EPHA10: variants seen among roughly 807,000 people sequenced by gnomAD.
EPHA10 encodes the protein ephrin type-A receptor 10.
In EPHA10, 120 loss-of-function variants were observed where a neutral mutation model predicts 109.7. That is an observed-to-expected ratio of 1.09 (90% CI 0.94 to 1.27). The LOEUF (loss-of-function observed/expected upper bound fraction) is 1.27, where lower values mean the gene tolerates loss of function less well. Among genes scored for constraint, EPHA10 ranks in the 50% most tolerant of loss-of-function variants. The probability of loss-of-function intolerance (pLI) is 0.00; values close to 1 mark genes in which losing one functional copy is unlikely to be tolerated. For synonymous variants in EPHA10, 640 were observed against 618.9 expected (o/e 1.03, Z -0.51); for missense variants, 1,396 against 1,411.1 (o/e 0.99, Z 0.17).
chr1:37,724,538 C>T (rs991707622), intron 8 of EPHA10, among the ~76,000 whole-genome samples: 5 of 150,956 alleles, frequency 3.3e-5, no homozygotes, highest in Admixed American at 3.3e-4. Flanking sequence ...ACAAAAGAAT[C>T]GCCAGAGGAA....
At chr1:37,741,034 G>A (rs543448887) in intron 5 of EPHA10, among the ~76,000 whole-genome samples, 1 of 152,296 alleles carries the variant, frequency 6.6e-6, no homozygotes, top group East Asian at 1.9e-4. Context: ...GAAGCCCAGG[G>A]AAGAGAACAT....
chr1:37,728,728 G>A (rs531355916), intron 7 of EPHA10, among the ~76,000 whole-genome samples: 1 of 152,184 alleles, frequency 6.6e-6, no homozygotes, highest in Non-Finnish European at 1.5e-5. Flanking sequence ...ATGTCACAGA[G>A]CAAGTGAGGA....
rs531551885 is a variant in EPHA10, at chr1:37,741,226, C to T, written c.1358-5836G>A. ...TATGAGGGACTGAGCGAGTGCTCAG[C>T]ACCAGCATTCCAGCAAGAGGAGCTG... is the stretch of plus-strand genomic sequence containing the variant. On this transcript the variant is annotated intron_variant, in intron 5 of 16. Coordinates refer to ENST00000373048, the MANE Select transcript of EPHA10 (RefSeq NM_001099439.2). Among the ~76,000 whole-genome samples, 4 of 152,348 alleles carry T rather than the reference C, an allele frequency of 2.6e-5. No homozygotes were observed. The East Asian group carries it at 7.7e-4, about 29-fold the overall frequency.
At chr1:37,753,901 T>C (rs1213818580) in intron 4 of EPHA10, among the ~76,000 whole-genome samples, 3 of 151,942 alleles carry the variant, frequency 2.0e-5, no homozygotes, top group African/African-American at 7.3e-5. Flanking sequence ...AGCCCCCCTT[T>C]CGGCTGGAGG....
At chr1:37,738,685 T>C (rs1569704992) in intron 5 of EPHA10, among the ~76,000 whole-genome samples, 1 of 152,168 alleles carries the variant, frequency 6.6e-6, no homozygotes, top group East Asian at 1.9e-4. Flanking sequence ...AATCAGGTCT[T>C]GAAGAGATAC....
At chr1:37,735,220 G>C in intron 6 of EPHA10, 37 bp downstream of exon 6, 1 of 1,557,852 alleles carries the variant, frequency 6.4e-7, no homozygotes, top group Admixed American at 1.9e-5. Context: ...GGACAGGTGC[G>C]GGGCAGGCTC....
At chr1:37,748,158 A>G (rs1646267261) in intron 5 of EPHA10, among the ~76,000 whole-genome samples, 1 of 152,182 alleles carries the variant, frequency 6.6e-6, no homozygotes, top group African/African-American at 2.4e-5. Flanking sequence ...CAGGAGTTCA[A>G]GACCAGCCTG....
In EPHA10 at chr1:37,752,896, G is replaced by T. The variant is rs1646350415; in HGVS notation, c.1337C>A (p.Thr446Asn). 7.7e-7 allele frequency: 1 copy of T among 1,304,202 alleles called. No homozygotes were observed. Among genetic ancestry groups the T allele is most frequent in the Non-Finnish European group, 9.7e-7 (1 of 1,030,002 alleles). The allele number at this position is 1,304,202 out of a possible 1,614,324, so 80.8% of individuals were successfully genotyped here. The stretch of plus-strand genomic sequence containing the variant: ...CTTACCCCCGGGCCCGGTGGAGACG[G>T]TGACCTGCGCGTAGGTGGTTCCCGC... Reference protein sequence around the residue: ...AAAGTTYAQVTVSTGPGAPWE... With the variant: ...AAAGTTYAQVNVSTGPGAPWE... The change falls in exon 5 of 17, where the codon ACC becomes AAC. Residue 446 changes from threonine (T) to asparagine (N), a missense_variant. By Grantham distance (65) the Thr-to-Asn change is moderately conservative. Transcript: ENST00000373048.
At position 37,716,896 on chromosome 1, in the gene EPHA10, C is replaced by G; in HGVS notation, c.*1476G>C. 1 of 232,992 alleles carries G rather than the reference C, an allele frequency of 4.3e-6. No individual in the cohort carries two copies. The highest frequency in any genetic ancestry group is 2.2e-5 in the African/African-American group (1 of 45,418). 14.4% of individuals were successfully genotyped at this position (232,992 alleles called of 1,614,324 possible). ...ACTGACCCAGAGGGCTCCTGGGGGGCCCTGGGCACTGTGGATGGTGCCCTG... is the reference window on the plus strand; with the variant it reads ...ACTGACCCAGAGGGCTCCTGGGGGGGCCTGGGCACTGTGGATGGTGCCCTG... On this transcript the variant is annotated 3_prime_UTR_variant, in exon 17 of 17. Transcript: ENST00000373048.
chr1:37,750,316 GA>G (rs530484546), intron 5 of EPHA10, among the ~76,000 whole-genome samples: 1 of 151,940 alleles, frequency 6.6e-6, no homozygotes, highest in Admixed American at 6.6e-5. Flanking sequence ...AAGAAAGATG[GA>G]AAAAAAGAAT....
intron 3 of EPHA10, chr1:37,761,182 G>A: frequency 1.4e-6 from 2 of 1,444,458 alleles, no homozygotes; most frequent in Non-Finnish European, 1.8e-6. Flanking sequence ...GATCCCTAAT[G>A]CCTCCTTAGC....
Position 37,753,065 on chromosome 1 carries a change from C to T in EPHA10, c.1168G>A (p.Glu390Lys). Residue 390 changes from glutamate to lysine, a missense_variant, in exon 5 of 17, where the codon GAG becomes AAG. Glu to Lys is a moderately conservative substitution (Grantham distance 56). Coordinates refer to ENST00000373048, the MANE Select transcript of EPHA10 (RefSeq NM_001099439.2). ...AAGGCCACGCGCGGCCCGCACGGCT[C>T]GCAGGCGCCCGCCGGGCCCTCGCGG... ...CGREGPAGAC[E>K]PCGPRVAFLP... 2 of 1,274,606 alleles carry T rather than the reference C, an allele frequency of 1.6e-6. No individual in the cohort carries two copies. Among genetic ancestry groups the T allele is most frequent in the South Asian group, 4.7e-5 (2 of 42,462 alleles). 79.0% of individuals were successfully genotyped at this position (1,274,606 alleles called of 1,614,324 possible).
Position 37,762,056 on chromosome 1 carries a change from G to A in EPHA10, c.199C>T (p.His67Tyr), listed in dbSNP as rs1646438108. Residue 67 changes from histidine (H) to tyrosine (Y), a missense_variant, in exon 3 of 17, where the codon CAC (histidine) becomes TAC (tyrosine). By Grantham distance (83) the His-to-Tyr change is moderately conservative. Coordinates refer to ENST00000373048, the MANE Select transcript of EPHA10 (RefSeq NM_001099439.2). ...GWEEISGVDE[H>Y]DRPIRTYQVC... ...TGGTACGTGCGGATGGGACGGTCGT[G>A]TTCATCCACGCCGCTGATCTCCTCC... is the stretch of plus-strand genomic sequence containing the variant. 1 of 1,598,694 alleles carries A rather than the reference G, an allele frequency of 6.3e-7. No homozygotes were observed. Among genetic ancestry groups the A allele is most frequent in the African/African-American group, 1.3e-5 (1 of 74,674 alleles).
rs1311037894 is a variant in EPHA10, at chr1:37,717,684, T to A, written c.*688A>T. ...CACCAGGGCCTCTCATGGCCCGGCC[T>A]GGCCAGGACTTTTGGCCTCACCCTG... On this transcript the variant is annotated 3_prime_UTR_variant, in exon 17 of 17. Coordinates refer to ENST00000373048, the MANE Select transcript of EPHA10 (RefSeq NM_001099439.2). 1 of 231,232 alleles carries A rather than the reference T, an allele frequency of 4.3e-6. No homozygotes were observed. The highest frequency in any genetic ancestry group is 8.6e-6 in the Non-Finnish European group (1 of 116,924). The allele number at this position is 231,232 out of a possible 1,614,324, so 14.3% of individuals were successfully genotyped here.
intron 11 of EPHA10, among the ~76,000 whole-genome samples, chr1:37,721,438 AAAAAG>A (rs1488631378): frequency 9.2e-4 from 139 of 151,818 alleles, no homozygotes; most frequent in African/African-American, 3.0e-3. Context: ...AAAAAAAAAA[AAAAAG>A]AAAGAAAGAA....
chr1:37,755,737 ATTACTG>A (rs1646388107), intron 3 of EPHA10, among the ~76,000 whole-genome samples: 1 of 152,118 alleles, frequency 6.6e-6, no homozygotes, highest in African/African-American at 2.4e-5. Flanking sequence ...AATGATAGTA[ATTACTG>A]TTCCTCCCCC....
chr1:37,719,330 G>A lies in EPHA10; in HGVS notation c.2756+84C>T, dbSNP rs1240571585. 2.1e-6 allele frequency: 3 copies of A among 1,462,468 alleles called. No homozygotes were observed. In the African/African-American group the frequency reaches 4.1e-5, roughly 20 times the overall value. 90.6% of individuals were successfully genotyped at this position (1,462,468 alleles called of 1,614,324 possible). On this transcript the variant is annotated intron_variant, in intron 15 of 16. Coordinates refer to ENST00000373048, the MANE Select transcript of EPHA10 (RefSeq NM_001099439.2). ...ATTGCTCTTGGACAGGTGGGGTGGT[G>A]GAGGCGGTGGGTTTGCACTTGCAAC...
chr1:37,730,817 G>A (rs948021507), intron 7 of EPHA10, among the ~76,000 whole-genome samples: 2 of 151,608 alleles, frequency 1.3e-5, no homozygotes, highest in Non-Finnish European at 1.5e-5. Context: ...TCAGCCTCCC[G>A]AGTAGCTGGG....
In EPHA10 at chr1:37,716,479, T is replaced by C; in HGVS notation, c.*1893A>G. On this transcript the variant is annotated 3_prime_UTR_variant, in exon 17 of 17. Transcript: ENST00000373048. ...GGGGCTCCCCCAACCCTGACTAAGG[T>C]GGTAGCAACATCTTGGTCTCCCCAG... The C allele has an allele frequency of 4.3e-6, 1 of 232,942 alleles. No individual in the cohort carries two copies. Among genetic ancestry groups the C allele is most frequent in the Non-Finnish European group, 8.5e-6 (1 of 118,042 alleles). 14.4% of individuals were successfully genotyped at this position (232,942 alleles called of 1,614,324 possible).
Sources: gnomAD v4.1 joint callset for allele counts (sites outside exome capture counted in the v4.1 genomes callset) on GRCh38, gnomAD v4.1.1 for gene constraint, MANE v1.5 for transcripts, NCBI Gene and HGNC (gene_info 2026-07-23, HGNC 2026-07-21) for gene names.